Variants in COL5A1 observed in about 807,000 individuals in gnomAD.
COL5A1 encodes collagen type V alpha 1 chain.
COL5A1 carries 16 observed loss-of-function variants against 263.7 expected under a neutral mutation model. The observed-to-expected ratio is 0.06, with a 90% CI of 0.04 to 0.09. COL5A1 has a LOEUF of 0.09. COL5A1 is among the 10% of genes least tolerant of loss of function. The pLI is 1.00. For missense variants in COL5A1, 2,036 were observed against 2,540.5 expected, an observed-to-expected ratio of 0.80 and a Z score of 4.27; for synonymous variants, 1,012 against 1,004.5, an observed-to-expected ratio of 1.01 and a Z score of -0.14.
intron 2 of COL5A1, among the ~76,000 whole-genome samples, chr9:134,695,083 G>C (rs1227688070): frequency 6.6e-6 from 1 of 152,174 alleles, no homozygotes; most frequent in Admixed American, 6.5e-5. Context: ...CCACTTCCTG[G>C]ATCAGCACGC....
chr9:134,675,691 G>C (rs1012928802), intron 1 of COL5A1, among the ~76,000 whole-genome samples: 1 of 152,196 alleles, frequency 6.6e-6, no homozygotes, highest in African/African-American at 2.4e-5. Context: ...TTTGGGGCTG[G>C]GGGATCCATT....
intron 1 of COL5A1, among the ~76,000 whole-genome samples, chr9:134,662,440 G>C (rs1358848833): frequency 6.6e-6 from 1 of 152,254 alleles, no homozygotes; most frequent in Non-Finnish European, 1.5e-5. Context: ...TGAAGCCTGT[G>C]TTTTCAGGCC....
intron 13 of COL5A1, among the ~76,000 whole-genome samples, chr9:134,752,203 G>T (rs938387829): frequency 1.3e-5 from 2 of 152,190 alleles, no homozygotes; most frequent in African/African-American, 4.8e-5. Context: ...CTCAGCTTGA[G>T]CTCAGGTGTA....
chr9:134,800,749 C>CAAA (rs397951217), intron 37 of COL5A1, among the ~76,000 whole-genome samples: 2,267 of 81,464 alleles, frequency 0.028, 97 homozygotes, highest in South Asian at 0.037. Flanking sequence ...CTGTCTCAAA[C>CAAA]AAAAAAAAAA....
At chr9:134,709,149 C>A (rs1833945823) in intron 4 of COL5A1, 5 of 356,392 alleles carry the variant, frequency 1.4e-5, no homozygotes, top group Non-Finnish European at 2.8e-5. Context: ...TCCCTCGGGG[C>A]CATGATTCAG....
chr9:134,760,474 TAC>T (rs368659158), intron 18 of COL5A1, among the ~76,000 whole-genome samples: 3,976 of 57,974 alleles, frequency 0.069, 171 homozygotes, highest in African/African-American at 0.18. Context: ...CCCACATTCA[TAC>T]ACACATGCAC....
chr9:134,715,432 G>C (rs1386646911), intron 4 of COL5A1, among the ~76,000 whole-genome samples: 1 of 152,104 alleles, frequency 6.6e-6, no homozygotes, highest in Admixed American at 6.5e-5. Context: ...ACTGCAAAGA[G>C]GCCTTCCTCT....
At chr9:134,827,063 G>A (rs939810160) in intron 63 of COL5A1, among the ~76,000 whole-genome samples, 8 of 152,320 alleles carry the variant, frequency 5.3e-5, no homozygotes, top group Admixed American at 1.3e-4. Flanking sequence ...TCATGAGCTC[G>A]CAGTTGTCGC....
chr9:134,691,060 C>T lies in COL5A1; in HGVS notation c.258C>T (p.Pro86=), dbSNP rs1354063999. 1 of 1,613,268 alleles carries T rather than the reference C, an allele frequency of 6.2e-7. No individual in the cohort carries two copies. Among genetic ancestry groups the T allele is most frequent in the African/African-American group, 1.3e-5 (1 of 74,938 alleles). ...CCAAAGACGCGCAGCTCAGCGCACC[C>T]ACCAAGCAGCTGTACCCTGGTAAGT... ...RVTKDAQLSA[P]TKQLYPASAF... Residue 86 remains proline, a synonymous_variant, in exon 2 of 66, where the codon CCC becomes CCT. Transcript: ENST00000371817.
chr9:134,642,471 A>G lies in COL5A1; in HGVS notation c.109+175A>G, dbSNP rs1831327761. ...CCCCCCGAGATGACGACACGCAGAC[A>G]CAATGCCCGCGGGCGCGCCGCCGCC... On this transcript the variant is annotated intron_variant, in intron 1 of 65. Transcript: ENST00000371817. This position sits in a 1 kb window ranked among gnomAD's most constrained non-coding sequence, Gnocchi z 4.5. Among the ~76,000 whole-genome samples the G allele has an allele frequency of 6.8e-6, 1 of 147,706 alleles. No homozygotes were observed. Among genetic ancestry groups the G allele is most frequent in the Non-Finnish European group, 1.5e-5 (1 of 66,622 alleles).
intron 1 of COL5A1, chr9:134,653,382 G>C (rs1235569227): frequency 1.3e-5 from 2 of 152,424 alleles, no homozygotes. Flanking sequence ...GGGCCACAGG[G>C]ACCAGCCCAC....
In COL5A1 at chr9:134,787,735, G is replaced by A. The variant is rs546430499; in HGVS notation, c.2647-1420G>A. ...GCTTTATTTAAAGGGATTGTGGGACGCCAACACAACGTGCACGAGGCACAG... is the reference window on the plus strand; with the variant it reads ...GCTTTATTTAAAGGGATTGTGGGACACCAACACAACGTGCACGAGGCACAG... On this transcript the variant is annotated intron_variant, in intron 31 of 65. Coordinates refer to ENST00000371817, the MANE Select transcript of COL5A1 (RefSeq NM_000093.5). Among the ~76,000 whole-genome samples the A allele has an allele frequency of 3.3e-5, 5 of 152,328 alleles. No individual in the cohort carries two copies. In the South Asian group the frequency reaches 6.2e-4, roughly 19 times the overall value.
chr9:134,796,481 A>G, intron 35 of COL5A1, 63 bp downstream of exon 35: 1 of 1,549,288 alleles, frequency 6.5e-7, no homozygotes, highest in East Asian at 2.2e-5. Flanking sequence ...TGCCCCCTGC[A>G]CTTTGTCCTG....
At chr9:134,733,021 C>T (rs1018987710) in intron 9 of COL5A1, among the ~76,000 whole-genome samples, 1 of 152,194 alleles carries the variant, frequency 6.6e-6, no homozygotes, top group Non-Finnish European at 1.5e-5. Flanking sequence ...AGCACCAAGG[C>T]CCACCCTGCC....
At chr9:134,753,776 T>TCCCCCCCCCC in intron 14 of COL5A1, 74 bp from the exon 15 acceptor site, 2 of 414,878 alleles carry the variant, frequency 4.8e-6, no homozygotes, top group African/African-American at 3.6e-5. Flanking sequence ...GCCCCTCCCC[T>TCCCCCCCCCC]GCCACCCCCA....
chr9:134,801,985 C>A lies in COL5A1; in HGVS notation c.2984C>A (p.Pro995His). The change falls in exon 38 of 66, where the codon CCC becomes CAC. Residue 995 changes from proline (P) to histidine (H), a missense_variant. Transcript: ENST00000371817. ...GFQGKTGPPGPPGVVGPQGPT... is the reference protein window; with the variant it reads ...GFQGKTGPPGHPGVVGPQGPT... ...CAAGGCAAGACCGGCCCTCCAGGCC[C>A]CCCCGGCGTGGTCGGCCCTCAGGTA... 1 of 1,613,448 alleles carries A rather than the reference C, an allele frequency of 6.2e-7. No individual in the cohort carries two copies.
chr9:134,698,063 G>A lies in COL5A1; in HGVS notation c.278-1846G>A, dbSNP rs911309055. On this transcript the variant is annotated intron_variant, in intron 2 of 65. Transcript: ENST00000371817. ...CTCACCACTGCACTCCAACCTGGGC[G>A]ACAGAACGAGACTCTATCTCAAAAA... 3.3e-5 allele frequency among the ~76,000 whole-genome samples: 5 copies of A among 152,154 alleles called. No homozygotes were observed. In the South Asian group the frequency reaches 6.2e-4, roughly 19 times the overall value.
intron 25 of COL5A1, among the ~76,000 whole-genome samples, chr9:134,770,093 C>T (rs1836821946): frequency 6.6e-6 from 1 of 152,250 alleles, no homozygotes; most frequent in Non-Finnish European, 1.5e-5. Context: ...CATGAAGGTG[C>T]TTCGAGCAAA....
At position 134,758,362 on chromosome 9, in the gene COL5A1, T is replaced by G; in HGVS notation, c.1935+66T>G. 2.0e-6 allele frequency: 3 copies of G among 1,524,194 alleles called. No homozygotes were observed. The highest frequency in any genetic ancestry group is 2.7e-6 in the Non-Finnish European group (3 of 1,098,992). The allele number at this position is 1,524,194 out of a possible 1,614,324, so 94.4% of individuals were successfully genotyped here. A position where few individuals can be genotyped will look rare whatever the true frequency, so the allele number is the denominator to read the frequency against. On this transcript the variant is annotated intron_variant, in intron 18 of 65. Coordinates refer to ENST00000371817, the MANE Select transcript of COL5A1 (RefSeq NM_000093.5). This position sits in a 1 kb window ranked among gnomAD's most constrained non-coding sequence, Gnocchi z 4.1. ...AGCAGAGGTGTCTCTCGGGAGGCCC[T>G]TCTCCTTCCAGGCAGCCTCAGATTT...
Sources: gnomAD v4.1 joint callset for allele counts (sites outside exome capture counted in the v4.1 genomes callset) on GRCh38, gnomAD v4.1.1 for gene constraint, Gnocchi (gnomAD v3.1) non-coding constraint, MANE v1.5 for transcripts, NCBI Gene and HGNC (gene_info 2026-07-23, HGNC 2026-07-21) for gene names.